Variants in TRIM39 observed in about 807,000 individuals in gnomAD.
TRIM39 encodes the protein tripartite motif containing 39.
Under a neutral mutation model 53.6 loss-of-function variants are expected in TRIM39, and 5 were observed. That is an observed-to-expected ratio of 0.09 (90% CI 0.05 to 0.20). The LOEUF (loss-of-function observed/expected upper bound fraction) is 0.20. Ranked by LOEUF, TRIM39 falls within the 10% of genes least tolerant of loss-of-function variation. The pLI, the probability that TRIM39 is intolerant of heterozygous loss-of-function variation, is 1.00. For synonymous variants in TRIM39, 196 were observed against 237.6 expected, an observed-to-expected ratio of 0.82 and a Z score of 1.61; for missense variants, 310 against 621.0, an observed-to-expected ratio of 0.50 and a Z score of 5.32.
rs760615280 is a variant in TRIM39 at position 30,335,836 on chromosome 6, G to T, written c.641G>T (p.Arg214Leu). The T allele has an allele frequency of 6.2e-7, 1 of 1,612,964 alleles. No homozygotes were observed. The highest frequency in any genetic ancestry group is 8.5e-7 in the Non-Finnish European group (1 of 1,180,010). The change falls in exon 5 of 8, where the codon CGA (arginine) becomes CTA (leucine). Residue 214 changes from arginine (R) to leucine (L), a missense_variant. Arg to Leu is a moderately radical substitution (Grantham distance 102). Coordinates refer to ENST00000396551, the Ensembl canonical transcript of TRIM39. The surrounding 1 kb of genome is among the most constrained non-coding windows in gnomAD (Gnocchi z 4.7). ...GAAGAGCAGCAGGTGTTGCTTTCAC[G>T]ACTGGAAGAAGAGGAACAGGACATT...
chr6:30,336,325 T>C (rs1786855788), intron 5 of TRIM39, among the ~76,000 whole-genome samples: 2 of 152,360 alleles, frequency 1.3e-5, no homozygotes, highest in South Asian at 4.1e-4. Context: ...ATTTGATTTA[T>C]GTACTGCTGA....
At chr6:30,341,367 TC>T (rs1562424784) in intron 7 of TRIM39, 1 of 595,756 alleles carries the variant, frequency 1.7e-6, no homozygotes, top group South Asian at 1.5e-5. Context: ...CTTAACACTT[TC>T]CGTTTTTTTC....
At chr6:30,334,912 A>G (rs1786666788) in intron 4 of TRIM39, among the ~76,000 whole-genome samples, 1 of 151,712 alleles carries the variant, frequency 6.6e-6, no homozygotes, top group Admixed American at 6.6e-5. Context: ...TTTTCTTTTT[A>G]GTTGAAACAA....
Position 30,342,133 on chromosome 6 carries a change from C to T in TRIM39, c.1341C>T (p.Arg447=), listed in dbSNP as rs761837746. ...TGTCTTTCTACAATGTCACAGACCG[C>T]TCTCATATCTACACCTTCACTGATA... Residue 447 remains arginine, a synonymous_variant, in exon 8 of 8, where the codon CGC becomes CGT. Coordinates refer to ENST00000396551, the Ensembl canonical transcript of TRIM39. This position sits in a 1 kb window ranked among gnomAD's most constrained non-coding sequence, Gnocchi z 4.7. 6.2e-7 allele frequency: 1 copy of T among 1,612,890 alleles called. No individual in the cohort carries two copies. The highest frequency in any genetic ancestry group is 1.1e-5 in the South Asian group (1 of 91,066).
At chr6:30,332,401 A>G (rs1324675814) in intron 4 of TRIM39, among the ~76,000 whole-genome samples, 2 of 152,246 alleles carry the variant, frequency 1.3e-5, no homozygotes, top group Non-Finnish European at 2.9e-5. Context: ...CGAAGAAGTA[A>G]TGAGTTTTTA....
chr6:30,336,573 G>A (rs1034362344), intron 5 of TRIM39, among the ~76,000 whole-genome samples: 3 of 152,212 alleles, frequency 2.0e-5, no homozygotes, highest in African/African-American at 4.8e-5. Flanking sequence ...AGACAACGAC[G>A]AAGTTTACTT....
intron 4 of TRIM39, among the ~76,000 whole-genome samples, chr6:30,333,973 A>C (rs572401370): frequency 2.0e-5 from 3 of 152,160 alleles, no homozygotes; most frequent in African/African-American, 7.2e-5. Context: ...ACCTAAACAA[A>C]CACACATGCA....
chr6:30,341,587 C>A, intron 7 of TRIM39, 125 bp from the exon 8 acceptor site: 1 of 1,417,086 alleles, frequency 7.1e-7, no homozygotes, highest in Non-Finnish European at 9.5e-7. Flanking sequence ...GAAAGTTAAC[C>A]AAACCAGGTT....
At chr6:30,326,811 C>G (rs1017415772) in exon 1 of TRIM39, 1 of 153,316 alleles carries the variant, frequency 6.5e-6, no homozygotes, top group African/African-American at 2.4e-5. Flanking sequence ...TCCGCAGGCA[C>G]CGCTAGACCC....
At chr6:30,340,349 A>G in intron 6 of TRIM39, 156 bp from the exon 7 acceptor site, 1 of 1,613,022 alleles carries the variant, frequency 6.2e-7, no homozygotes, top group Non-Finnish European at 8.5e-7. Flanking sequence ...GGATTAGTAA[A>G]AGAAATCAAC....
Position 30,339,273 on chromosome 6 carries a change from T to C in TRIM39, c.781-635T>C, listed in dbSNP as rs2127408621. Among the ~76,000 whole-genome samples, 1 of 152,096 alleles carries C rather than the reference T, an allele frequency of 6.6e-6. No homozygotes were observed. Among genetic ancestry groups the C allele is most frequent in the South Asian group, 2.1e-4 (1 of 4,814 alleles). ...AAGCGATTCTCCTGCCTCAGCCTCC[T>C]GAGTAGCTGGGGTTACAGGCGCACA... On this transcript the variant is annotated intron_variant, in intron 5 of 7. Transcript: ENST00000396551. This position sits in a 1 kb window ranked among gnomAD's most constrained non-coding sequence, Gnocchi z 4.2.
rs1403571390 is a variant in TRIM39, at chr6:30,333,356, T to TG, written c.550-2389_550-2388insG. ...GGCCTATGTTTTTGTTTTTGTGGTT[T>TG]TTTTTTTTTTTTTTTTTTTGAGACG... On this transcript the variant is annotated intron_variant, in intron 4 of 7. Transcript: ENST00000396551. Among the ~76,000 whole-genome samples, 775 of 138,176 alleles carry TG rather than the reference T, an allele frequency of 5.6e-3. 1 individual carries two copies. The highest frequency in any genetic ancestry group is 0.029 in the Middle Eastern group (8 of 276). The allele number at this position is 138,176 out of a possible 152,430, so 90.6% of individuals were successfully genotyped here.
chr6:30,328,993 C>T, exon 2 of TRIM39: 1 of 318,538 alleles, frequency 3.1e-6, no homozygotes. Context: ...GAGAAGTATG[C>T]TGAGCTAGAG....
intron 6 of TRIM39, 101 bp downstream of exon 6, chr6:30,340,031 T>C (rs1310302098): frequency 1.9e-6 from 3 of 1,566,786 alleles, no homozygotes; most frequent in Non-Finnish European, 1.8e-6. Flanking sequence ...GAAAGTCATG[T>C]AGTGTGTCTG....
intron 4 of TRIM39, among the ~76,000 whole-genome samples, chr6:30,331,188 G>A (rs567972242): frequency 1.9e-4 from 29 of 152,028 alleles, no homozygotes; most frequent in African/African-American, 7.0e-4. Flanking sequence ...AGAATTGCTT[G>A]AACCTGGGAG....
chr6:30,333,951 A>G (rs535617738), intron 4 of TRIM39, among the ~76,000 whole-genome samples: 36 of 152,348 alleles, frequency 2.4e-4, no homozygotes, highest in Non-Finnish European at 8.8e-5. Flanking sequence ...TGAATGTTAA[A>G]CTTACACCCA....
intron 7 of TRIM39, chr6:30,341,511 C>G (rs1787544702): frequency 2.4e-6 from 2 of 835,402 alleles, no homozygotes; most frequent in East Asian, 5.3e-5. Flanking sequence ...TATCTGTTTA[C>G]TTTAGGGTCA....
At chr6:30,337,905 T>C (rs1787059523) in intron 5 of TRIM39, among the ~76,000 whole-genome samples, 1 of 152,248 alleles carries the variant, frequency 6.6e-6, no homozygotes, top group Non-Finnish European at 1.5e-5. Context: ...CAAGATCTTC[T>C]GGATAACTTG....
Position 30,339,779 on chromosome 6 carries a change from C to T in TRIM39, c.781-129C>T, listed in dbSNP as rs1787277136. The T allele has an allele frequency of 3.1e-6, 4 of 1,301,428 alleles. No homozygotes were observed. Among genetic ancestry groups the T allele is most frequent in the Non-Finnish European group, 4.4e-6 (4 of 917,778 alleles). 80.6% of individuals were successfully genotyped at this position (1,301,428 alleles called of 1,614,324 possible). A position where few individuals can be genotyped will look rare whatever the true frequency, so the allele number is the denominator to read the frequency against. The stretch of plus-strand genomic sequence containing the variant: ...AGGTCCCGCTGGAGCTCTTCTTGCA[C>T]TGTGTGACCCTCAGTTTATCCTATC... On this transcript the variant is annotated intron_variant, in intron 5 of 7. Transcript: ENST00000396551. The surrounding 1 kb of genome is among the most constrained non-coding windows in gnomAD (Gnocchi z 4.2).
Sources: gnomAD v4.1 joint callset for allele counts (sites outside exome capture counted in the v4.1 genomes callset) on GRCh38, gnomAD v4.1.1 for gene constraint, Gnocchi (gnomAD v3.1) non-coding constraint, MANE v1.5 for transcripts, NCBI Gene and HGNC (gene_info 2026-07-23, HGNC 2026-07-21) for gene names.